Variants in PCDHGB2 observed in about 807,000 individuals in gnomAD.
The protein encoded by PCDHGB2 is protocadherin gamma-B2.
In PCDHGB2, 55 loss-of-function variants were observed where a neutral mutation model predicts 59.3. The observed-to-expected ratio is 0.93, with a 90% CI of 0.75 to 1.16. PCDHGB2 has a LOEUF of 1.16. Ranked by LOEUF, PCDHGB2 falls within the 50% of genes most tolerant of loss-of-function variation. The pLI, the probability that PCDHGB2 is intolerant of heterozygous loss-of-function variation, is 0.00. For missense variants in PCDHGB2, 1,228 were observed against 1,198.5 expected (o/e 1.02, Z -0.36); for synonymous variants, 516 against 512.0 (o/e 1.01, Z -0.11).
chr5:141,482,758 T>TGC (rs1413945459), intron 1 of PCDHGB2, among the ~76,000 whole-genome samples: 74 of 141,724 alleles, frequency 5.2e-4, no homozygotes, highest in African/African-American at 9.9e-4. Flanking sequence ...ATTATGGTAT[T>TGC]TCATTATCAC....
intron 1 of PCDHGB2, chr5:141,418,083 T>C: frequency 6.2e-7 from 1 of 1,614,068 alleles, no homozygotes; most frequent in Non-Finnish European, 8.5e-7. Context: ...AAGCTGCACT[T>C]CAGCGTAGAC....
intron 1 of PCDHGB2, chr5:141,409,138 A>G (rs2095229593): frequency 1.2e-6 from 2 of 1,614,046 alleles, no homozygotes; most frequent in Non-Finnish European, 1.7e-6. Flanking sequence ...TTGAAGATGT[A>G]GAAAGGTACA....
intron 1 of PCDHGB2, chr5:141,385,250 G>C (rs1448897004): frequency 6.2e-7 from 1 of 1,613,820 alleles, no homozygotes. Context: ...AGCCAGGAGA[G>C]CTGTGAGAAA....
chr5:141,404,463 A>G lies in PCDHGB2; in HGVS notation c.2421+41907A>G, dbSNP rs969137248. 10 of 1,612,548 alleles carry G rather than the reference A, an allele frequency of 6.2e-6. No homozygotes were observed. In the South Asian group the frequency reaches 9.9e-5, roughly 16 times the overall value. ...ATCCAAGGGTCTCCTCTCTCCACCTATGTCTCTATTAACTCAGACACTGGT... is the reference window on the plus strand; with the variant it reads ...ATCCAAGGGTCTCCTCTCTCCACCTGTGTCTCTATTAACTCAGACACTGGT... On this transcript the variant is annotated intron_variant, in intron 1 of 3. Transcript: ENST00000522605.
chr5:141,389,657 G>A lies in PCDHGB2; in HGVS notation c.2421+27101G>A, dbSNP rs372714152. The stretch of plus-strand genomic sequence containing the variant: ...GCTACTTGGTGACCAAGGTAGTGGC[G>A]GTGGACGCAGACTCAGGACACAACG... On this transcript the variant is annotated intron_variant, in intron 1 of 3. Transcript: ENST00000522605. The A allele has an allele frequency of 6.2e-5, 100 of 1,612,554 alleles. 2 individuals are homozygous for A. In the African/African-American group the frequency reaches 1.0e-3, roughly 17 times the overall value.
rs2097424370 is a variant in PCDHGB2, at chr5:141,431,859, C to G, written c.2422-62948C>G. On this transcript the variant is annotated intron_variant, in intron 1 of 3. Coordinates refer to ENST00000522605, the MANE Select transcript of PCDHGB2 (RefSeq NM_018923.3). The surrounding 1 kb of genome is among the most constrained non-coding windows in gnomAD (Gnocchi z 4.8). ...AACTCTCCCAGAGGGACATTAATTG[C>G]CCTTTTAAATGTAAATGACCAAGAT... is the stretch of plus-strand genomic sequence containing the variant. The G allele has an allele frequency of 1.2e-6, 2 of 1,614,060 alleles. No individual in the cohort carries two copies. Among genetic ancestry groups the G allele is most frequent in the Middle Eastern group, 3.3e-4 (2 of 6,084 alleles).
rs971610218 is a variant in PCDHGB2, at chr5:141,400,979, C to T, written c.2421+38423C>T. Among the ~76,000 whole-genome samples, 10 of 152,258 alleles carry T rather than the reference C, an allele frequency of 6.6e-5. No individual in the cohort carries two copies. The East Asian group carries it at 9.6e-4, about 15-fold the overall frequency. ...GTAGTTTTCATCTCTTTCTTATGTT[C>T]CTCATATATGCTTTCTTATTCCTAC... On this transcript the variant is annotated intron_variant, in intron 1 of 3. Transcript: ENST00000522605.
rs1260157676 is a variant in PCDHGB2, at chr5:141,373,137, T to G, written c.2421+10581T>G. On this transcript the variant is annotated intron_variant, in intron 1 of 3. Transcript: ENST00000522605. ...CAGAATTAGACCCAAATCCTCACAA[T>G]TAAGTGGTTTACTTAGTTTTAATGC... Among the ~76,000 whole-genome samples, 5 of 152,372 alleles carry G rather than the reference T, an allele frequency of 3.3e-5. No individual in the cohort carries two copies. The East Asian group carries it at 7.7e-4, about 23-fold the overall frequency.
chr5:141,498,254 G>A (rs550611179), intron 2 of PCDHGB2, among the ~76,000 whole-genome samples: 2 of 152,338 alleles, frequency 1.3e-5, no homozygotes, highest in East Asian at 3.9e-4. Context: ...AGCAGGGCTG[G>A]TGTTGAGTTC....
At chr5:141,370,007 A>G (rs1350230524) in intron 1 of PCDHGB2, among the ~76,000 whole-genome samples, 1 of 152,272 alleles carries the variant, frequency 6.6e-6, no homozygotes, top group South Asian at 2.1e-4. Flanking sequence ...AAATTAAAAG[A>G]AATAACAGAC....
chr5:141,368,012 T>C (rs1301562712), intron 1 of PCDHGB2, among the ~76,000 whole-genome samples: 2 of 152,238 alleles, frequency 1.3e-5, no homozygotes, highest in Admixed American at 1.3e-4. Flanking sequence ...AATACTGGCC[T>C]ATGTGCCTCA....
intron 1 of PCDHGB2, among the ~76,000 whole-genome samples, chr5:141,474,926 C>T (rs756761848): frequency 1.3e-5 from 2 of 152,218 alleles, no homozygotes; most frequent in Non-Finnish European, 2.9e-5. Context: ...TCATCTCTGG[C>T]TTATATCACA....
At position 141,510,947 on chromosome 5, in the gene PCDHGB2, A is replaced by C; in HGVS notation, c.2570A>C (p.Glu857Ala). Residue 857 changes from glutamate to alanine, a missense_variant and splice_region_variant, in exon 4 of 4, where the codon GAA (glutamate) becomes GCA (alanine). By Grantham distance (107) the Glu-to-Ala change is moderately radical. This residue lies in a region of PCDHGB2 where 433 missense variants were observed against 441.8 expected (regional missense o/e 0.98). Transcript: ENST00000522605. ...ACCTGATCTTCCTCTGTCTCTGCAG[A>C]AGCTGCTGATGGGAGCTCCACCCTG... ...LQAMILASAS[E>A]AADGSSTLGG... The C allele has an allele frequency of 6.2e-7, 1 of 1,614,084 alleles. No individual in the cohort carries two copies. Among genetic ancestry groups the C allele is most frequent in the Non-Finnish European group, 8.5e-7 (1 of 1,180,000 alleles).
At chr5:141,376,108 G>A (rs368739165) in intron 1 of PCDHGB2, 172 of 1,613,770 alleles carry the variant, frequency 1.1e-4, no homozygotes, top group Middle Eastern at 1.0e-3. Context: ...TGGCCGACCT[G>A]GGCAGCCTCG....
chr5:141,420,067 A>G (rs2096463342), intron 1 of PCDHGB2: 2 of 1,614,034 alleles, frequency 1.2e-6, no homozygotes, highest in East Asian at 2.2e-5. Flanking sequence ...CCAAGTCCGG[A>G]CCTGTGGGTC....
In PCDHGB2 at chr5:141,423,465, G is replaced by A. The variant is rs762995150; in HGVS notation, c.2421+60909G>A. On this transcript the variant is annotated intron_variant, in intron 1 of 3. Coordinates refer to ENST00000522605, the MANE Select transcript of PCDHGB2 (RefSeq NM_018923.3). ...CGTCACATTTTGTAGGCGTGGACGG[G>A]GTACAGGCTTTCCTGCAAACCTATT... The A allele has an allele frequency of 2.6e-5, 42 of 1,614,006 alleles. 1 individual carries two copies. The Middle Eastern group carries it at 1.5e-3, about 57-fold the overall frequency.
At position 141,364,381 on chromosome 5, in the gene PCDHGB2, C is replaced by A. The variant is rs1763293238; in HGVS notation, c.2421+1825C>A. On this transcript the variant is annotated intron_variant, in intron 1 of 3. Coordinates refer to ENST00000522605, the MANE Select transcript of PCDHGB2 (RefSeq NM_018923.3). ...GCTGCGGAGAGCTGCTGCTGCCCTTCATGCTCCTGGGGACGCTGTGCGAGC... is the reference window on the plus strand; with the variant it reads ...GCTGCGGAGAGCTGCTGCTGCCCTTAATGCTCCTGGGGACGCTGTGCGAGC... The A allele has an allele frequency of 1.9e-6, 3 of 1,581,268 alleles. No homozygotes were observed. In the South Asian group the frequency reaches 3.5e-5, roughly 18 times the overall value.
intron 1 of PCDHGB2, chr5:141,428,269 C>T (rs1326212294): frequency 1.3e-6 from 1 of 777,738 alleles, no homozygotes; most frequent in Non-Finnish European, 2.2e-6. Flanking sequence ...CAGTCCTGTG[C>T]CCTCTGATTC....
In PCDHGB2 at chr5:141,486,531, C is replaced by T; in HGVS notation, c.2422-8276C>T. The T allele has an allele frequency of 6.2e-7, 1 of 1,614,062 alleles. No homozygotes were observed. Among genetic ancestry groups the T allele is most frequent in the Non-Finnish European group, 8.5e-7 (1 of 1,180,020 alleles). Reference sequence around the variant, plus strand: ...ATTTCAGATGTGAATGATAATCCACCCTCTTTCTTTCAGAGGTCACATGAG... The same window carrying T: ...ATTTCAGATGTGAATGATAATCCACTCTCTTTCTTTCAGAGGTCACATGAG... On this transcript the variant is annotated intron_variant, in intron 1 of 3. Transcript: ENST00000522605. This position sits in a 1 kb window ranked among gnomAD's most constrained non-coding sequence, Gnocchi z 5.0.
Sources: allele counts gnomAD v4.1 joint callset (sites outside exome capture counted in the v4.1 genomes callset), GRCh38; gene constraint gnomAD v4.1.1; regional missense constraint gnomAD v4.1.1; non-coding constraint Gnocchi (gnomAD v3.1); transcripts MANE v1.5; gene names NCBI Gene and HGNC (gene_info 2026-07-23, HGNC 2026-07-21).